RUBCN: variants seen among roughly 807,000 people sequenced by gnomAD.
RUBCN encodes the protein rubicon autophagy regulator.
In RUBCN, 74 loss-of-function variants were observed where a neutral mutation model predicts 113.2. That is an observed-to-expected ratio of 0.65 (90% CI 0.54 to 0.79). The LOEUF (loss-of-function observed/expected upper bound fraction) is 0.79, where lower values mean the gene tolerates loss of function less well. RUBCN is among the 30% of genes least tolerant of loss of function. RUBCN has a pLI of 0.00. For missense variants in RUBCN, 1,109 were observed against 1,251.7 expected (o/e 0.89, Z 1.72); for synonymous variants, 480 against 490.0 (o/e 0.98, Z 0.27).
intron 1 of RUBCN, among the ~76,000 whole-genome samples, chr3:197,731,254 C>T (rs1055961475): frequency 4.6e-5 from 7 of 152,174 alleles, no homozygotes; most frequent in Admixed American, 2.0e-4. Flanking sequence ...GCACCACCCT[C>T]AATCCATTCA....
rs1055875085 is a variant in RUBCN, at chr3:197,736,662, C to T, written c.58G>A (p.Glu20Lys). Residue 20 changes from glutamate (E) to lysine (K), a missense_variant, in exon 1 of 20, where the codon GAG (glutamate) becomes AAG (lysine). Around this residue, in one of 3 missense-constraint regions of RUBCN, gnomAD observed 736 missense variants for 779.6 expected, o/e 0.94. Coordinates refer to ENST00000296343, the MANE Select transcript of RUBCN (RefSeq NM_014687.4). ...LGGGEERLPE[E>K]SRREHWQLLG... Reference sequence around the variant, plus strand: ...CGGCGGCTCCCAGCCCACCTGCTCTCCTCAGGCAGGCGCTCCTCGCCGCCT... The same window carrying T: ...CGGCGGCTCCCAGCCCACCTGCTCTTCTCAGGCAGGCGCTCCTCGCCGCCT... The T allele has an allele frequency of 7.2e-6, 11 of 1,532,574 alleles. No individual in the cohort carries two copies. In the African/African-American group the frequency reaches 1.4e-4, roughly 19 times the overall value. 94.9% of individuals were successfully genotyped at this position (1,532,574 alleles called of 1,614,324 possible). A position where few individuals can be genotyped will look rare whatever the true frequency, so the allele number is the denominator to read the frequency against.
In RUBCN at chr3:197,674,697, C is replaced by T. The variant is rs1434648535; in HGVS notation, c.*321G>A. 2 of 432,698 alleles carry T rather than the reference C, an allele frequency of 4.6e-6. No individual in the cohort carries two copies. The highest frequency in any genetic ancestry group is 2.5e-5 in the South Asian group (1 of 39,826). The allele number at this position is 432,698 out of a possible 1,614,324, so 26.8% of individuals were successfully genotyped here. A position where few individuals can be genotyped will look rare whatever the true frequency, so the allele number is the denominator to read the frequency against. The stretch of plus-strand genomic sequence containing the variant: ...AGGTGAAACCTAGAGGAGAAGGCCA[C>T]AGACGCTGGAAGAACTTGGTCTTGC... On this transcript the variant is annotated 3_prime_UTR_variant, in exon 20 of 20. Transcript: ENST00000296343.
intron 7 of RUBCN, among the ~76,000 whole-genome samples, chr3:197,697,739 G>T (rs367580974): frequency 1.2e-4 from 19 of 152,202 alleles, no homozygotes; most frequent in African/African-American, 4.6e-4. Flanking sequence ...TCTTCACAAG[G>T]AAACACAACA....
At chr3:197,678,904 T>C (rs1007693967) in intron 16 of RUBCN, among the ~76,000 whole-genome samples, 2 of 147,882 alleles carry the variant, frequency 1.4e-5, no homozygotes, top group Non-Finnish European at 3.0e-5. Flanking sequence ...TCCTACGCTC[T>C]AACAACTGGC....
chr3:197,677,343 G>A, intron 17 of RUBCN, 137 bp downstream of exon 17: 1 of 782,482 alleles, frequency 1.3e-6, no homozygotes, highest in East Asian at 2.5e-5. Flanking sequence ...TTACTGCTGT[G>A]GCCTCCTGTT....
chr3:197,737,059 C>A (rs932523093), upstream of RUBCN: 13 of 646,024 alleles, frequency 2.0e-5, no homozygotes, highest in African/African-American at 2.4e-4. Context: ...AATCCCAGGC[C>A]GCTCCCGCAG....
chr3:197,733,737 G>A (rs1487649244), intron 1 of RUBCN, among the ~76,000 whole-genome samples: 1 of 152,116 alleles, frequency 6.6e-6, no homozygotes, highest in Non-Finnish European at 1.5e-5. Context: ...AACAATGACG[G>A]GAGTGACTTT....
At chr3:197,677,791 G>A (rs1329558155) in intron 16 of RUBCN, among the ~76,000 whole-genome samples, 1 of 147,288 alleles carries the variant, frequency 6.8e-6, no homozygotes, top group Admixed American at 6.7e-5. Context: ...TCGACACCTG[G>A]CTTCAGACTG....
chr3:197,683,465 C>G lies in RUBCN; in HGVS notation c.1848-26G>C, dbSNP rs954424737. The G allele has an allele frequency of 1.9e-6, 3 of 1,613,076 alleles. No homozygotes were observed. The highest frequency in any genetic ancestry group is 2.7e-5 in the African/African-American group (2 of 74,888). On this transcript the variant is annotated intron_variant, in intron 12 of 19. Coordinates refer to ENST00000296343, the MANE Select transcript of RUBCN (RefSeq NM_014687.4). The surrounding 1 kb of genome is among the most constrained non-coding windows in gnomAD (Gnocchi z 4.6). ...CTGGAAAGGGGAGAATCAAGGACGG[C>G]TGAACACAGGGAAAGGATGGGCGAT...
Position 197,684,139 on chromosome 3 carries a change from G to GT in RUBCN, c.1847+17dup, listed in dbSNP as rs753157258. 1.4e-5 allele frequency: 22 copies of GT among 1,581,266 alleles called. No homozygotes were observed. Among genetic ancestry groups the GT allele is most frequent in the Non-Finnish European group, 1.9e-5 (22 of 1,150,700 alleles). Reference sequence around the variant, plus strand: ...CTAAGGTTTTCTTTTCTTTTTTTTGGTAAAAAAAAGTACTCACAAGGACTG... The same window carrying GT: ...CTAAGGTTTTCTTTTCTTTTTTTTGGTTAAAAAAAAGTACTCACAAGGACTG... On this transcript the variant is annotated intron_variant, in intron 12 of 19. Transcript: ENST00000296343.
Position 197,731,695 on chromosome 3 carries a change from A to G in RUBCN, c.65+4960T>C, listed in dbSNP as rs1331049670. Among the ~76,000 whole-genome samples, 6 of 147,940 alleles carry G rather than the reference A, an allele frequency of 4.1e-5. No individual in the cohort carries two copies. In the East Asian group the frequency reaches 1.2e-3, roughly 30 times the overall value. ...GGGCTCCTCACTTCCCAGTAGGGGC[A>G]GCCGGGCAGAGGCGCCCCTCACTTC... is the stretch of plus-strand genomic sequence containing the variant. On this transcript the variant is annotated intron_variant, in intron 1 of 19. Coordinates refer to ENST00000296343, the MANE Select transcript of RUBCN (RefSeq NM_014687.4).
intron 2 of RUBCN, among the ~76,000 whole-genome samples, chr3:197,714,559 A>C (rs1427046080): frequency 6.6e-6 from 1 of 152,130 alleles, no homozygotes; most frequent in Admixed American, 6.5e-5. Context: ...CTGGCCTCAA[A>C]TTTCTAGTGA....
At chr3:197,696,827 T>C (rs1723062813) in intron 8 of RUBCN, 127 bp downstream of exon 8, 5 of 662,468 alleles carry the variant, frequency 7.5e-6, no homozygotes, top group Non-Finnish European at 1.4e-5. Flanking sequence ...GACAAAAGAG[T>C]GACTGAGACT....
Position 197,681,906 on chromosome 3 carries a change from A to AAGGGTAAGG in RUBCN, c.2127-16_2127-8dup. ...GGCCACGGCAATTTTCCTCCTGAGG[A>AAGGGTAAGG]AGGGTAAGGACAGGGCATTGGCACA... is the stretch of plus-strand genomic sequence containing the variant. On this transcript the variant is annotated splice_region_variant and splice_polypyrimidine_tract_variant and intron_variant, in intron 14 of 19. Coordinates refer to ENST00000296343, the MANE Select transcript of RUBCN (RefSeq NM_014687.4). This position sits in a 1 kb window ranked among gnomAD's most constrained non-coding sequence, Gnocchi z 5.5. 1 of 1,613,446 alleles carries AAGGGTAAGG rather than the reference A, an allele frequency of 6.2e-7. No homozygotes were observed. Among genetic ancestry groups the AAGGGTAAGG allele is most frequent in the Non-Finnish European group, 8.5e-7 (1 of 1,179,558 alleles).
At chr3:197,687,672 G>A (rs748273728) in intron 11 of RUBCN, among the ~76,000 whole-genome samples, 2 of 152,222 alleles carry the variant, frequency 1.3e-5, no homozygotes, top group Admixed American at 6.5e-5. Context: ...GGCACCTGCC[G>A]GAAGAGCTTC....
At chr3:197,682,011 G>A in intron 14 of RUBCN, 112 bp from the exon 15 acceptor site, 1 of 832,082 alleles carries the variant, frequency 1.2e-6, no homozygotes, top group South Asian at 1.4e-5. Flanking sequence ...GGAAGAGAGG[G>A]GAATTCACCT....
chr3:197,716,012 C>A (rs1183337455), intron 2 of RUBCN, among the ~76,000 whole-genome samples: 1 of 151,964 alleles, frequency 6.6e-6, no homozygotes, highest in African/African-American at 2.4e-5. Context: ...TCTAATTACA[C>A]GAATCTTATC....
intron 5 of RUBCN, among the ~76,000 whole-genome samples, 166 bp from the exon 6 acceptor site, chr3:197,702,030 G>A (rs1723737079): frequency 6.6e-6 from 1 of 152,208 alleles, no homozygotes; most frequent in African/African-American, 2.4e-5. Context: ...ACTACAGTAT[G>A]TAATTTACAA....
intron 2 of RUBCN, among the ~76,000 whole-genome samples, chr3:197,713,075 T>A (rs912796498): frequency 6.6e-6 from 1 of 152,176 alleles, no homozygotes; most frequent in South Asian, 2.1e-4. Flanking sequence ...GTCAGGCTGG[T>A]CGTAAACTTC....
Sources: allele counts gnomAD v4.1 joint callset (sites outside exome capture counted in the v4.1 genomes callset), GRCh38; gene constraint gnomAD v4.1.1; regional missense constraint gnomAD v4.1.1; non-coding constraint Gnocchi (gnomAD v3.1); transcripts MANE v1.5; gene names NCBI Gene and HGNC (gene_info 2026-07-23, HGNC 2026-07-21).